Variants in ADGRL3 observed in about 807,000 individuals in gnomAD.
The protein encoded by ADGRL3 is calcium-independent alpha-latrotoxin receptor 3.
A neutral mutation model predicts 153.5 loss-of-function variants in ADGRL3; 62 were observed. The observed-to-expected ratio is 0.40, with a 90% CI of 0.33 to 0.50. The LOEUF (loss-of-function observed/expected upper bound fraction) is 0.50. Ranked by LOEUF, ADGRL3 falls within the 20% of genes least tolerant of loss-of-function variation. The pLI, the probability that ADGRL3 is intolerant of heterozygous loss-of-function variation, is 0.47. For synonymous variants in ADGRL3, 710 were observed against 672.5 expected (o/e 1.06, Z -0.86); for missense variants, 1,641 against 1,859.4 (o/e 0.88, Z 2.16).
At chr4:62,030,563 A>G (rs1351844879) in intron 22 of ADGRL3, among the ~76,000 whole-genome samples, 1 of 151,608 alleles carries the variant, frequency 6.6e-6, no homozygotes, top group East Asian at 1.9e-4. Context: ...TTACCTGCTT[A>G]TACTCTTGCA....
rs1051500278 is a variant in ADGRL3 at position 61,271,223 on chromosome 4, A to C, written c.-240+69458A>C. On this transcript the variant is annotated intron_variant, in intron 1 of 26. Coordinates refer to ENST00000683033, the MANE Select transcript of ADGRL3 (RefSeq NM_001387552.1). Reference sequence around the variant, plus strand: ...TGTCTTGTAAATCTTTGCTCTTCACAGTTGTATAGCATTGAATGTCTAAGG... The same window carrying C: ...TGTCTTGTAAATCTTTGCTCTTCACCGTTGTATAGCATTGAATGTCTAAGG... 2.6e-5 allele frequency among the ~76,000 whole-genome samples: 4 copies of C among 152,012 alleles called. No homozygotes were observed. In the East Asian group the frequency reaches 7.7e-4, roughly 29 times the overall value.
At chr4:61,711,491 T>TATATATACAC (rs757078842) in intron 6 of ADGRL3, among the ~76,000 whole-genome samples, 1 of 89,210 alleles carries the variant, frequency 1.1e-5, no homozygotes, top group African/African-American at 4.0e-5. Flanking sequence ...TATATATATA[T>TATATATACAC]ACACACACAC....
At chr4:61,571,586 T>C (rs999240106) in intron 4 of ADGRL3, among the ~76,000 whole-genome samples, 1 of 152,088 alleles carries the variant, frequency 6.6e-6, no homozygotes, top group Non-Finnish European at 1.5e-5. Flanking sequence ...AGTTATTTTA[T>C]TAGATACCTG....
intron 7 of ADGRL3, among the ~76,000 whole-genome samples, chr4:61,731,388 A>G (rs2096439235): frequency 6.6e-6 from 1 of 152,094 alleles, no homozygotes; most frequent in African/African-American, 2.4e-5. Flanking sequence ...CAAAATAATA[A>G]TACTTTAATC....
intron 8 of ADGRL3, among the ~76,000 whole-genome samples, chr4:61,782,029 G>A (rs2097219499): frequency 6.6e-6 from 1 of 152,072 alleles, no homozygotes; most frequent in South Asian, 2.1e-4. Context: ...ATGTGTAATG[G>A]AATTGATCTT....
chr4:61,912,603 G>C (rs571798461), intron 12 of ADGRL3, 116 bp from the exon 13 acceptor site: 1 of 865,614 alleles, frequency 1.2e-6, no homozygotes, highest in Admixed American at 2.4e-5. Flanking sequence ...CTGAAAAGTA[G>C]TGAATGACAA....
intron 4 of ADGRL3, among the ~76,000 whole-genome samples, chr4:61,518,434 A>G (rs150519879): frequency 4.2e-4 from 64 of 152,278 alleles, no homozygotes; most frequent in African/African-American, 1.5e-3. Context: ...ATGAAACATC[A>G]CAGTATTAGC....
chr4:61,391,839 C>T, intron 2 of ADGRL3, among the ~76,000 whole-genome samples: 1 of 146,956 alleles, frequency 6.8e-6, no homozygotes, highest in African/African-American at 2.5e-5. Context: ...GAAAATTATC[C>T]AAGTGAAAAA....
intron 5 of ADGRL3, among the ~76,000 whole-genome samples, chr4:61,594,823 A>G (rs1420229029): frequency 1.3e-5 from 2 of 152,256 alleles, no homozygotes; most frequent in South Asian, 2.1e-4. Flanking sequence ...GACTGGAGTC[A>G]AAAACCTTAC....
At chr4:61,760,944 G>A (rs1238714830) in intron 8 of ADGRL3, among the ~76,000 whole-genome samples, 4 of 152,306 alleles carry the variant, frequency 2.6e-5, no homozygotes, top group East Asian at 1.9e-4. Flanking sequence ...TTCTAAGGAC[G>A]ACTTGGTGGG....
At chr4:61,403,939 C>T (rs2096961803) in intron 2 of ADGRL3, among the ~76,000 whole-genome samples, 2 of 151,974 alleles carry the variant, frequency 1.3e-5, no homozygotes, top group African/African-American at 4.8e-5. Context: ...GGCATTTTTC[C>T]TTACAACCCT....
chr4:61,749,794 G>A (rs1478790715), intron 8 of ADGRL3, among the ~76,000 whole-genome samples: 2 of 151,680 alleles, frequency 1.3e-5, no homozygotes, highest in East Asian at 1.9e-4. Context: ...CACCAGCATG[G>A]CACATGTATA....
At chr4:61,948,781 ACTC>A (rs2098935739) in intron 17 of ADGRL3, among the ~76,000 whole-genome samples, 1 of 152,142 alleles carries the variant, frequency 6.6e-6, no homozygotes, top group Non-Finnish European at 1.5e-5. Flanking sequence ...AGAAGACACT[ACTC>A]TAAGGAAAAA....
At chr4:61,955,530 G>A (rs1372585947) in intron 17 of ADGRL3, among the ~76,000 whole-genome samples, 1 of 151,938 alleles carries the variant, frequency 6.6e-6, no homozygotes, top group African/African-American at 2.4e-5. Flanking sequence ...ATTTCTGCTG[G>A]GGGAAGTCAT....
At chr4:61,729,426 C>G (rs2096403426) in intron 6 of ADGRL3, among the ~76,000 whole-genome samples, 1 of 151,872 alleles carries the variant, frequency 6.6e-6, no homozygotes, top group Non-Finnish European at 1.5e-5. Context: ...TTGACAATAA[C>G]TGGAGACACT....
chr4:61,285,477 G>C (rs2093899305), intron 1 of ADGRL3, among the ~76,000 whole-genome samples: 1 of 151,674 alleles, frequency 6.6e-6, no homozygotes, highest in Non-Finnish European at 1.5e-5. Context: ...CATTTGGGTT[G>C]GTTCTCATGT....
chr4:61,666,928 A>G (rs2094821300), intron 5 of ADGRL3, among the ~76,000 whole-genome samples: 1 of 152,180 alleles, frequency 6.6e-6, no homozygotes, highest in Non-Finnish European at 1.5e-5. Flanking sequence ...CTGCCTATTG[A>G]TAAAGCATTT....
chr4:61,997,109 A>G (rs1228315752), intron 20 of ADGRL3, among the ~76,000 whole-genome samples: 1 of 152,148 alleles, frequency 6.6e-6, no homozygotes, highest in Non-Finnish European at 1.5e-5. Flanking sequence ...GACTTTGGAA[A>G]GATAATGTGG....
intron 9 of ADGRL3, among the ~76,000 whole-genome samples, chr4:61,826,132 T>C (rs571394806): frequency 3.3e-5 from 5 of 152,098 alleles, no homozygotes; most frequent in African/African-American, 1.2e-4. Context: ...AATAAAAAAA[T>C]TATTGATTAA....
Sources: allele counts gnomAD v4.1 joint callset (sites outside exome capture counted in the v4.1 genomes callset), GRCh38; gene constraint gnomAD v4.1.1; transcripts MANE v1.5; gene names NCBI Gene and HGNC (gene_info 2026-07-23, HGNC 2026-07-21).